The following TYW1 variants were observed in gnomAD, a reference collection of about 807,000 sequenced individuals.
TYW1 encodes S-adenosyl-L-methionine-dependent tRNA 4-demethylwyosine synthase TYW1.
A neutral mutation model predicts 96.2 loss-of-function variants in TYW1; 46 were observed. The ratio of observed to expected loss-of-function variants is 0.48; its 90% CI spans 0.38 to 0.61. TYW1 has a LOEUF of 0.61. Ranked by LOEUF, TYW1 falls within the 20% of genes least tolerant of loss-of-function variation. The pLI, the probability that TYW1 is intolerant of heterozygous loss-of-function variation, is 0.00. For missense variants in TYW1, 684 were observed against 909.6 expected, an observed-to-expected ratio of 0.75 and a Z score of 3.19; for synonymous variants, 274 against 323.0, an observed-to-expected ratio of 0.85 and a Z score of 1.63.
intron 11 of TYW1, chr7:67,089,593 G>GGAACT: frequency 1.9e-6 from 1 of 530,974 alleles, no homozygotes; most frequent in Non-Finnish European, 3.3e-6. Context: ...TGTGAAAGGT[G>GGAACT]GAACTGGCTG....
At chr7:67,182,016 A>G (rs186998018) in intron 13 of TYW1, among the ~76,000 whole-genome samples, 1 of 151,998 alleles carries the variant, frequency 6.6e-6, no homozygotes, top group African/African-American at 2.4e-5. Context: ...TTTAGTAGAG[A>G]CGGGGTTTCA....
At chr7:67,070,949 G>A (rs1252452557) in intron 10 of TYW1, among the ~76,000 whole-genome samples, 3 of 152,032 alleles carry the variant, frequency 2.0e-5, no homozygotes, top group Non-Finnish European at 4.4e-5. Context: ...GGCTAACACA[G>A]TGAAACCCTG....
At chr7:67,113,143 G>A (rs1291800062) in intron 12 of TYW1, among the ~76,000 whole-genome samples, 2 of 151,716 alleles carry the variant, frequency 1.3e-5, no homozygotes, top group Non-Finnish European at 2.9e-5. Context: ...ACCTTGTTAC[G>A]TCTTTTGTAT....
At chr7:67,024,803 T>C (rs1794394975) in intron 6 of TYW1, 97 bp from the exon 7 acceptor site, 2 of 1,507,216 alleles carry the variant, frequency 1.3e-6, no homozygotes, top group African/African-American at 1.4e-5. Context: ...AAAAAAAGAA[T>C]TTAGAGACAT....
At chr7:67,177,180 G>T (rs1799699867) in intron 13 of TYW1, among the ~76,000 whole-genome samples, 1 of 151,976 alleles carries the variant, frequency 6.6e-6, no homozygotes, top group East Asian at 1.9e-4. Context: ...TGTTAAATAA[G>T]TTTAACTTCT....
At chr7:67,220,822 C>T (rs544019337) in intron 15 of TYW1, among the ~76,000 whole-genome samples, 1 of 151,760 alleles carries the variant, frequency 6.6e-6, no homozygotes, top group Non-Finnish European at 1.5e-5. Flanking sequence ...GCCACAACCT[C>T]CACCTCCCAG....
chr7:67,202,003 C>G (rs996289175), intron 15 of TYW1, among the ~76,000 whole-genome samples: 15 of 152,176 alleles, frequency 9.9e-5, no homozygotes, highest in Admixed American at 8.5e-4. Context: ...TTCAAGATAC[C>G]CTGCAGTGTC....
intron 13 of TYW1, among the ~76,000 whole-genome samples, chr7:67,166,032 G>A (rs897852157): frequency 1.3e-5 from 2 of 152,084 alleles, no homozygotes; most frequent in East Asian, 3.9e-4. Context: ...TTGAGGCCAG[G>A]AGTTTGAGAC....
chr7:67,122,849 G>A (rs1255284436), intron 13 of TYW1, among the ~76,000 whole-genome samples: 5 of 152,160 alleles, frequency 3.3e-5, no homozygotes, highest in Admixed American at 2.6e-4. Flanking sequence ...TGAGGACAAA[G>A]TCTCAGCTAC....
chr7:67,041,935 A>G (rs1414718292), intron 7 of TYW1, among the ~76,000 whole-genome samples: 1 of 150,424 alleles, frequency 6.6e-6, no homozygotes, highest in Non-Finnish European at 1.5e-5. Context: ...GCCGCATTGT[A>G]TTTTCTTGTA....
At chr7:67,087,805 G>A (rs1185047795) in intron 11 of TYW1, among the ~76,000 whole-genome samples, 1 of 151,102 alleles carries the variant, frequency 6.6e-6, no homozygotes, top group Admixed American at 6.6e-5. Context: ...GGGTGTAGAT[G>A]GGTCAGCACG....
chr7:67,026,064 A>G (rs1446221930), intron 7 of TYW1, among the ~76,000 whole-genome samples: 1 of 152,058 alleles, frequency 6.6e-6, no homozygotes, highest in South Asian at 2.1e-4. Context: ...ATAATTACCT[A>G]TCGATTAATT....
chr7:67,039,890 T>C (rs943435227), intron 7 of TYW1, among the ~76,000 whole-genome samples: 6 of 152,002 alleles, frequency 3.9e-5, no homozygotes, highest in African/African-American at 1.4e-4. Flanking sequence ...CTTGATCCAT[T>C]GACCTTGTGA....
At chr7:67,091,235 TA>T (rs1238570339) in intron 11 of TYW1, among the ~76,000 whole-genome samples, 2 of 150,916 alleles carry the variant, frequency 1.3e-5, no homozygotes, top group Non-Finnish European at 3.0e-5. Context: ...TATGCAGCCA[TA>T]AAAAAGGATG....
intron 15 of TYW1, among the ~76,000 whole-genome samples, chr7:67,226,967 A>G: frequency 6.6e-6 from 1 of 152,204 alleles, no homozygotes; most frequent in Non-Finnish European, 1.5e-5. Context: ...CCCATTTAGA[A>G]AATAATAATT....
chr7:67,171,877 C>A (rs1240879112), intron 13 of TYW1, among the ~76,000 whole-genome samples: 1 of 152,008 alleles, frequency 6.6e-6, no homozygotes, highest in East Asian at 1.9e-4. Flanking sequence ...TATATCTCCA[C>A]AAGACATTAC....
chr7:67,035,351 A>G (rs529554090), intron 7 of TYW1, among the ~76,000 whole-genome samples: 100 of 152,148 alleles, frequency 6.6e-4, no homozygotes, highest in Middle Eastern at 6.8e-3. Flanking sequence ...TCCTGGCCTC[A>G]AATGATCACC....
At chr7:67,004,451 G>A (rs1235682232) in intron 3 of TYW1, among the ~76,000 whole-genome samples, 1 of 152,110 alleles carries the variant, frequency 6.6e-6, no homozygotes, top group Non-Finnish European at 1.5e-5. Context: ...CTTGCTATGT[G>A]ATCTTTGTGC....
chr7:67,079,931 T>C (rs1245579405), intron 10 of TYW1, among the ~76,000 whole-genome samples: 2 of 152,242 alleles, frequency 1.3e-5, no homozygotes, highest in Non-Finnish European at 2.9e-5. Context: ...TTTCTTGTTG[T>C]ATTCCATTGT....
Sources: gnomAD v4.1 joint callset for allele counts (sites outside exome capture counted in the v4.1 genomes callset) on GRCh38, gnomAD v4.1.1 for gene constraint, MANE v1.5 for transcripts, NCBI Gene and HGNC (gene_info 2026-07-23, HGNC 2026-07-21) for gene names.